The following CSMD1 variants were observed in gnomAD, a reference collection of about 807,000 sequenced individuals.
CSMD1 encodes CUB and Sushi multiple domains 1.
Under a neutral mutation model 417.5 loss-of-function variants are expected in CSMD1, and 213 were observed. The observed-to-expected ratio is 0.51, with a 90% confidence interval of 0.46 to 0.57. CSMD1 has a LOEUF of 0.57. Ranked by LOEUF, CSMD1 falls within the 20% of genes least tolerant of loss-of-function variation. The pLI is 0.00. For synonymous variants in CSMD1, 2,862 were observed against 1,736.8 expected (o/e 1.65, Z -16.11); for missense variants, 6,923 against 4,529.7 (o/e 1.53, Z -15.17).
At chr8:3,973,312 C>G (rs767903519) in intron 5 of CSMD1, among the ~76,000 whole-genome samples, 3 of 152,138 alleles carry the variant, frequency 2.0e-5, no homozygotes, top group Non-Finnish European at 4.4e-5. Flanking sequence ...ATTTGAATAT[C>G]AGTTGAATGT....
intron 3 of CSMD1, among the ~76,000 whole-genome samples, chr8:4,389,421 A>T (rs1021115995): frequency 1.3e-5 from 2 of 152,194 alleles, no homozygotes; most frequent in African/African-American, 4.8e-5. Context: ...AACATACGAA[A>T]ATCTCACATA....
intron 1 of CSMD1, among the ~76,000 whole-genome samples, chr8:4,712,126 G>A (rs969230162): frequency 3.9e-5 from 6 of 152,314 alleles, no homozygotes; most frequent in Non-Finnish European, 5.9e-5. Context: ...GGGACTGACC[G>A]TGGTTGAAGC....
intron 25 of CSMD1, among the ~76,000 whole-genome samples, chr8:3,286,941 G>T (rs1803205885): frequency 6.6e-6 from 1 of 152,058 alleles, no homozygotes; most frequent in African/African-American, 2.4e-5. Context: ...TTCTTCTAGG[G>T]TTTTTATGGT....
chr8:3,223,502 C>T lies in CSMD1; in HGVS notation c.4484+227G>A, dbSNP rs370871956. On this transcript the variant is annotated intron_variant, in intron 28 of 69. Transcript: ENST00000635120. ...CATATGGGACACATTGTGTGCAAGA[C>T]AAACAGTATTTAAAAATAATTCAAG... Among the ~76,000 whole-genome samples the T allele has an allele frequency of 4.6e-5, 7 of 152,248 alleles. No homozygotes were observed. In the East Asian group the frequency reaches 5.8e-4, roughly 13 times the overall value.
At chr8:3,169,515 G>A (rs1024295821) in intron 37 of CSMD1, among the ~76,000 whole-genome samples, 4 of 152,080 alleles carry the variant, frequency 2.6e-5, no homozygotes, top group African/African-American at 7.2e-5. Context: ...CTAGGGCTAG[G>A]AGTAGCAAAC....
At chr8:3,089,562 T>C (rs1414057179) in intron 48 of CSMD1, among the ~76,000 whole-genome samples, 1 of 152,192 alleles carries the variant, frequency 6.6e-6, no homozygotes, top group Non-Finnish European at 1.5e-5. Context: ...CATGTGACAA[T>C]ATCATGGGCT....
At chr8:4,961,366 C>T (rs528105699) in intron 1 of CSMD1, among the ~76,000 whole-genome samples, 1 of 152,102 alleles carries the variant, frequency 6.6e-6, no homozygotes, top group Non-Finnish European at 1.5e-5. Flanking sequence ...GACCTGATTG[C>T]CCCTGAGGCA....
chr8:3,635,363 A>C (rs1407044595), intron 7 of CSMD1, among the ~76,000 whole-genome samples: 1 of 151,870 alleles, frequency 6.6e-6, no homozygotes, highest in Non-Finnish European at 1.5e-5. Context: ...AATCCCAGCT[A>C]CTCGGGAGGC....
At position 3,082,962 on chromosome 8, in the gene CSMD1, G is replaced by A. The variant is rs145769205; in HGVS notation, c.7474+4135C>T. ...ATAAAATCATGAAAACTTCTGTGCT[G>A]ATTTGGGTGGCGAAGACGTGGTGAT... On this transcript the variant is annotated intron_variant, in intron 49 of 69. Coordinates refer to ENST00000635120, the MANE Select transcript of CSMD1 (RefSeq NM_033225.6). Among the ~76,000 whole-genome samples the A allele has an allele frequency of 8.2e-3, 1,244 of 152,286 alleles. 14 individuals are homozygous for A. The highest frequency in any genetic ancestry group is 0.028 in the African/African-American group (1,182 of 41,560).
intron 3 of CSMD1, among the ~76,000 whole-genome samples, chr8:4,238,739 C>T (rs1700113): frequency 0.35 from 52,857 of 151,942 alleles, 9,956 homozygotes; most frequent in Middle Eastern, 0.52. Flanking sequence ...CTCTTGCTTC[C>T]AATTAAAGTT....
chr8:4,789,660 A>G (rs1329600602), intron 1 of CSMD1, among the ~76,000 whole-genome samples: 1 of 152,172 alleles, frequency 6.6e-6, no homozygotes, highest in East Asian at 1.9e-4. Context: ...TACTAGCTGT[A>G]TGTCAGAATT....
At chr8:3,582,942 A>T (rs1335149103) in intron 9 of CSMD1, among the ~76,000 whole-genome samples, 2 of 152,240 alleles carry the variant, frequency 1.3e-5, no homozygotes, top group East Asian at 3.9e-4. Context: ...GGGATTTTGG[A>T]GGCATAATTA....
chr8:3,553,382 AACAG>A (rs1482855177), intron 10 of CSMD1, among the ~76,000 whole-genome samples: 19 of 152,330 alleles, frequency 1.2e-4, no homozygotes, highest in South Asian at 8.3e-4. Flanking sequence ...TGTTTCATGA[AACAG>A]ACAGAGTGTG....
At chr8:3,708,072 G>C (rs1801278263) in intron 7 of CSMD1, among the ~76,000 whole-genome samples, 1 of 152,210 alleles carries the variant, frequency 6.6e-6, no homozygotes, top group Non-Finnish European at 1.5e-5. Context: ...GCAGAGATCA[G>C]TCTGGTCTGG....
chr8:3,151,540 T>C (rs757332381), intron 39 of CSMD1, 27 bp from the exon 40 acceptor site: 40 of 1,427,932 alleles, frequency 2.8e-5, no homozygotes, highest in Non-Finnish European at 3.7e-5. Context: ...ATGTCAGTCC[T>C]GCAGGTCCTC....
intron 10 of CSMD1, among the ~76,000 whole-genome samples, chr8:3,555,490 G>C (rs1003376324): frequency 4.6e-5 from 7 of 152,196 alleles, no homozygotes; most frequent in Admixed American, 1.3e-4. Flanking sequence ...GATGCTGACA[G>C]GTTTAAATTC....
chr8:3,445,261 G>C (rs947205729), intron 12 of CSMD1, among the ~76,000 whole-genome samples: 2 of 152,078 alleles, frequency 1.3e-5, no homozygotes, highest in South Asian at 4.1e-4. Flanking sequence ...GGTTTCACTG[G>C]TGGAAGAAGA....
chr8:4,778,650 G>A (rs2117178968), intron 1 of CSMD1, among the ~76,000 whole-genome samples: 1 of 152,236 alleles, frequency 6.6e-6, no homozygotes. Flanking sequence ...TCATGGGAGT[G>A]GTCTAGATCT....
intron 68 of CSMD1, among the ~76,000 whole-genome samples, chr8:2,947,332 G>C (rs529519496): frequency 6.6e-6 from 1 of 152,228 alleles, no homozygotes; most frequent in African/African-American, 2.4e-5. Flanking sequence ...GAGAAAATTA[G>C]GAGGTTATTT....
Sources: gnomAD v4.1 joint callset for allele counts (sites outside exome capture counted in the v4.1 genomes callset) on GRCh38, gnomAD v4.1.1 for gene constraint, MANE v1.5 for transcripts, NCBI Gene and HGNC (gene_info 2026-07-23, HGNC 2026-07-21) for gene names.